SFMBT2: variants seen among roughly 807,000 people sequenced by gnomAD.
The protein encoded by SFMBT2 is Scm like with four mbt domains 2, also known as scm-like with four MBT domains protein 2.
In SFMBT2, 38 loss-of-function variants were observed where a neutral mutation model predicts 110.1. That is an observed-to-expected ratio of 0.35 (90% CI 0.27 to 0.45). The LOEUF is 0.45. SFMBT2 is among the 20% of genes least tolerant of loss of function. The pLI is 1.00. For missense variants in SFMBT2, 1,011 were observed against 1,094.9 expected (o/e 0.92, Z 1.08); for synonymous variants, 425 against 425.4 (o/e 1.00, Z 0.01).
intron 7 of SFMBT2, among the ~76,000 whole-genome samples, chr10:7,258,989 T>C (rs1042392486): frequency 1.3e-5 from 2 of 152,166 alleles, no homozygotes; most frequent in African/African-American, 4.8e-5. Context: ...TTCAATCAAG[T>C]TAAAAAATAG....
intron 4 of SFMBT2, among the ~76,000 whole-genome samples, chr10:7,342,527 G>C (rs1843952984): frequency 6.8e-6 from 1 of 147,438 alleles, no homozygotes; most frequent in South Asian, 2.2e-4. Context: ...TCCTGCCTCA[G>C]CCTCCCGAGC....
intron 12 of SFMBT2, 31 bp from the exon 13 acceptor site, chr10:7,202,553 T>C (rs1252818272): frequency 5.0e-6 from 8 of 1,614,124 alleles, no homozygotes; most frequent in Non-Finnish European, 5.9e-6. Flanking sequence ...AAAAAGAAAA[T>C]CAGCTTTGTT....
intron 1 of SFMBT2, among the ~76,000 whole-genome samples, chr10:7,387,946 C>CAAA (rs377383266): frequency 9.3e-5 from 10 of 107,268 alleles, no homozygotes; most frequent in Middle Eastern, 5.3e-3. Flanking sequence ...AACTCTGTTT[C>CAAA]AAAAAAAAAA....
chr10:7,377,099 T>A (rs368760574), intron 2 of SFMBT2, among the ~76,000 whole-genome samples: 1 of 131,536 alleles, frequency 7.6e-6, no homozygotes. Context: ...AACCAGGGAG[T>A]CAGAGGTTGC....
rs143237817 is a variant in SFMBT2, at chr10:7,361,859, G to A, written c.436+5790C>T. 2.8e-3 allele frequency among the ~76,000 whole-genome samples: 428 copies of A among 152,200 alleles called. 2 individuals carry two copies. Among genetic ancestry groups the A allele is most frequent in the Non-Finnish European group, 5.4e-3 (370 of 68,012 alleles). ...CACATACTTACCTGCAATCTTCCAC[G>A]AGCATCTTTTTGGGGGCTCGGCAGG... On this transcript the variant is annotated intron_variant, in intron 4 of 20. Coordinates refer to ENST00000397167, the MANE Select transcript of SFMBT2 (RefSeq NM_001387889.1).
At chr10:7,324,742 T>C (rs1013251452) in intron 4 of SFMBT2, among the ~76,000 whole-genome samples, 1 of 152,200 alleles carries the variant, frequency 6.6e-6, no homozygotes, top group African/African-American at 2.4e-5. Context: ...GGGGGCAGCA[T>C]GGTCAGTTTC....
intron 11 of SFMBT2, among the ~76,000 whole-genome samples, chr10:7,216,210 T>C (rs937352796): frequency 2.0e-5 from 3 of 152,172 alleles, no homozygotes; most frequent in African/African-American, 7.2e-5. Flanking sequence ...CCGCAGATCA[T>C]GGTGACTGAT....
At chr10:7,196,937 C>T (rs550773147) in intron 15 of SFMBT2, among the ~76,000 whole-genome samples, 3 of 152,296 alleles carry the variant, frequency 2.0e-5, no homozygotes, top group Admixed American at 6.5e-5. Flanking sequence ...CTCTGCAGGT[C>T]GTCGCCCGAA....
At chr10:7,282,522 T>G (rs1030734122) in intron 6 of SFMBT2, among the ~76,000 whole-genome samples, 2 of 152,230 alleles carry the variant, frequency 1.3e-5, no homozygotes, top group Admixed American at 6.5e-5. Context: ...TACATCCTTC[T>G]TCACAACACG....
intron 4 of SFMBT2, among the ~76,000 whole-genome samples, chr10:7,334,908 G>A (rs1235640683): frequency 1.3e-5 from 2 of 152,152 alleles, no homozygotes; most frequent in African/African-American, 4.8e-5. Flanking sequence ...AGTTTACCAG[G>A]GAAATGATCA....
chr10:7,196,761 T>G (rs1351931531), intron 15 of SFMBT2, among the ~76,000 whole-genome samples: 4 of 152,218 alleles, frequency 2.6e-5, no homozygotes, highest in Admixed American at 2.6e-4. Flanking sequence ...ATCCTCTTTC[T>G]TCAGAGAAAG....
At chr10:7,351,194 C>G (rs1844302907) in intron 4 of SFMBT2, among the ~76,000 whole-genome samples, 1 of 152,214 alleles carries the variant, frequency 6.6e-6, no homozygotes, top group African/African-American at 2.4e-5. Flanking sequence ...CAGTGAATAA[C>G]ACACATACAC....
rs1564462537 is a variant in SFMBT2 at position 7,370,369 on chromosome 10, C to G, written c.107G>C (p.Gly36Ala). The stretch of plus-strand genomic sequence containing the variant: ...AAAGCCAGTTTCCTCCAAGCTTGAG[C>G]CTTCTTCTGTTGAAAAACAAAAGAA... ...NGNGDLDSEEGSSLEETGFNW... is the reference protein window; with the variant it reads ...NGNGDLDSEEASSLEETGFNW... The change falls in exon 3 of 21, where the codon GGC becomes GCC. Residue 36 changes from glycine to alanine, a missense_variant. By Grantham distance (60) the Gly-to-Ala change is moderately conservative. Coordinates refer to ENST00000397167, the MANE Select transcript of SFMBT2 (RefSeq NM_001387889.1). 7.4e-6 allele frequency: 12 copies of G among 1,614,010 alleles called. No individual in the cohort carries two copies. The highest frequency in any genetic ancestry group is 2.2e-5 in the East Asian group (1 of 44,886).
chr10:7,333,136 G>C (rs1843613176), intron 4 of SFMBT2, among the ~76,000 whole-genome samples: 1 of 152,096 alleles, frequency 6.6e-6, no homozygotes, highest in African/African-American at 2.4e-5. Context: ...CAAAGTGCTG[G>C]GATTATAGGT....
At chr10:7,282,190 T>C (rs74116449) in intron 6 of SFMBT2, among the ~76,000 whole-genome samples, 1,627 of 152,216 alleles carry the variant, frequency 0.011, 25 homozygotes, top group African/African-American at 0.038. Flanking sequence ...GTAAACACAA[T>C]TTATTCATAT....
intron 7 of SFMBT2, chr10:7,249,423 C>G: frequency 4.3e-6 from 3 of 694,948 alleles, no homozygotes; most frequent in Non-Finnish European, 5.3e-6. Flanking sequence ...ATTTATCTTG[C>G]GGAGATGGAG....
chr10:7,235,289 T>G (rs891178292), intron 9 of SFMBT2, among the ~76,000 whole-genome samples: 7 of 152,090 alleles, frequency 4.6e-5, no homozygotes. Context: ...TAAATAGAGA[T>G]GACTTCAATC....
intron 2 of SFMBT2, among the ~76,000 whole-genome samples, chr10:7,377,505 C>T (rs908265619): frequency 2.6e-5 from 4 of 152,130 alleles, no homozygotes; most frequent in African/African-American, 9.7e-5. Flanking sequence ...TGTAACTCAC[C>T]ATGATATAGA....
At chr10:7,195,768 T>C (rs2692802) in intron 15 of SFMBT2, among the ~76,000 whole-genome samples, 76,468 of 151,996 alleles carry the variant, frequency 0.5, 20,243 homozygotes, top group Middle Eastern at 0.6. Flanking sequence ...GATCTCACAG[T>C]GTGCATGCCA....
Sources: gnomAD v4.1 joint callset for allele counts (sites outside exome capture counted in the v4.1 genomes callset) on GRCh38, gnomAD v4.1.1 for gene constraint, MANE v1.5 for transcripts, NCBI Gene and HGNC (gene_info 2026-07-23, HGNC 2026-07-21) for gene names.